The following PTPRD variants were observed in gnomAD, a reference collection of about 807,000 sequenced individuals.
The protein encoded by PTPRD is protein tyrosine phosphatase receptor type D.
In PTPRD, 34 loss-of-function variants were observed where a neutral mutation model predicts 214.5. The observed-to-expected ratio is 0.16, with a 90% CI of 0.12 to 0.21. The LOEUF (loss-of-function observed/expected upper bound fraction) is 0.21, where lower values mean the gene tolerates loss of function less well. PTPRD is among the 10% of genes least tolerant of loss of function. PTPRD has a pLI of 1.00. For missense variants in PTPRD, 2,545 were observed against 2,398.7 expected (o/e 1.06, Z -1.27); for synonymous variants, 1,128 against 845.7 (o/e 1.33, Z -5.79).
chr9:8,922,314 G>C (rs1483523294), intron 11 of PTPRD, among the ~76,000 whole-genome samples: 2 of 152,042 alleles, frequency 1.3e-5, no homozygotes, highest in Non-Finnish European at 2.9e-5. Context: ...GAGCTCACTA[G>C]GATATTACTT....
chr9:8,338,826 T>G, intron 43 of PTPRD, 96 bp downstream of exon 43: 1 of 1,093,960 alleles, frequency 9.1e-7, no homozygotes, highest in Non-Finnish European at 1.3e-6. Flanking sequence ...GGGACAACAG[T>G]CAAGTGGCAA....
chr9:8,668,691 T>C (rs571396815), intron 12 of PTPRD, among the ~76,000 whole-genome samples: 24 of 152,260 alleles, frequency 1.6e-4, no homozygotes, highest in African/African-American at 3.1e-4. Flanking sequence ...ATTTGGAAAA[T>C]TGCAATGTAT....
At chr9:10,163,245 T>C (rs1452659479) in intron 3 of PTPRD, among the ~76,000 whole-genome samples, 1 of 150,012 alleles carries the variant, frequency 6.7e-6, no homozygotes, top group Non-Finnish European at 1.5e-5. Context: ...CAGTTTTTAC[T>C]TTTTGCTATC....
intron 3 of PTPRD, among the ~76,000 whole-genome samples, chr9:10,119,414 A>C (rs2154246446): frequency 6.6e-6 from 1 of 152,190 alleles, no homozygotes; most frequent in African/African-American, 2.4e-5. Context: ...GATATCATGC[A>C]TTCTAGAGTG....
chr9:9,905,232 A>G (rs1181844436), intron 5 of PTPRD, among the ~76,000 whole-genome samples: 1 of 151,888 alleles, frequency 6.6e-6, no homozygotes, highest in Non-Finnish European at 1.5e-5. Context: ...GTAGCTCCTC[A>G]TTTACTTTGC....
chr9:8,915,981 G>T (rs1037075810), intron 11 of PTPRD, among the ~76,000 whole-genome samples: 1 of 152,164 alleles, frequency 6.6e-6, no homozygotes, highest in Non-Finnish European at 1.5e-5. Context: ...TGTTTAGAAA[G>T]ATCCCTGTCT....
intron 5 of PTPRD, among the ~76,000 whole-genome samples, chr9:9,787,113 G>T (rs555293951): frequency 1.3e-5 from 2 of 151,276 alleles, no homozygotes; most frequent in Admixed American, 1.3e-4. Context: ...CTCCAGCCTG[G>T]GCGACAGAGT....
chr9:9,182,727 A>G (rs545716935), intron 10 of PTPRD, among the ~76,000 whole-genome samples: 54 of 152,176 alleles, frequency 3.5e-4, no homozygotes, highest in Admixed American at 3.5e-3. Flanking sequence ...CTGTGTTAAT[A>G]GCAAAAATTT....
rs34128512 is a variant in PTPRD at position 9,578,045 on chromosome 9, CAAAAAAAAAAAA to C, written c.-286-3276_-286-3265del. 1.4e-3 allele frequency among the ~76,000 whole-genome samples: 141 copies of C among 102,392 alleles called. 1 individual carries two copies. Among genetic ancestry groups the C allele is most frequent in the African/African-American group, 4.3e-3 (112 of 26,122 alleles). The allele number at this position is 102,392 out of a possible 152,430, so 67.2% of individuals were successfully genotyped here. On this transcript the variant is annotated intron_variant, in intron 7 of 45. Coordinates refer to ENST00000381196, the MANE Select transcript of PTPRD (RefSeq NM_002839.4). ...TTGGTGACAGAGTAAGACTCTGTCT[CAAAAAAAAAAAA>C]AAAAAAAAAAAAAAGAGGATCAGAT...
At chr9:10,509,854 G>A (rs2047412269) in intron 2 of PTPRD, among the ~76,000 whole-genome samples, 1 of 151,596 alleles carries the variant, frequency 6.6e-6, no homozygotes, top group Admixed American at 6.6e-5. Flanking sequence ...ATATATACAG[G>A]TATATATTTA....
At chr9:10,093,290 G>A (rs1017686119) in intron 3 of PTPRD, among the ~76,000 whole-genome samples, 6 of 151,308 alleles carry the variant, frequency 4.0e-5, no homozygotes, top group Non-Finnish European at 7.4e-5. Context: ...TAAAAGACAG[G>A]AACAGACACA....
chr9:10,211,812 G>T (rs2099518486), intron 3 of PTPRD, among the ~76,000 whole-genome samples: 1 of 152,102 alleles, frequency 6.6e-6, no homozygotes, highest in Non-Finnish European at 1.5e-5. Context: ...AAGAAGAAGA[G>T]AGGGGGGTGA....
intron 7 of PTPRD, among the ~76,000 whole-genome samples, chr9:9,698,545 T>C (rs187711790): frequency 1.3e-5 from 2 of 152,264 alleles, no homozygotes; most frequent in East Asian, 1.9e-4. Flanking sequence ...GCTACTCTAA[T>C]TTGGCATCTC....
intron 30 of PTPRD, among the ~76,000 whole-genome samples, chr9:8,474,499 G>C (rs1274693717): frequency 6.6e-6 from 1 of 152,160 alleles, no homozygotes; most frequent in African/African-American, 2.4e-5. Flanking sequence ...AATCCAGGGA[G>C]CTGAACACAG....
chr9:10,354,734 T>A (rs1240147550), intron 2 of PTPRD, among the ~76,000 whole-genome samples: 1 of 152,208 alleles, frequency 6.6e-6, no homozygotes, highest in African/African-American at 2.4e-5. Context: ...TGACGTTATA[T>A]CTTCATTTCT....
intron 11 of PTPRD, among the ~76,000 whole-genome samples, chr9:8,828,086 C>A (rs1031790723): frequency 1.3e-5 from 2 of 152,112 alleles, no homozygotes; most frequent in African/African-American, 4.8e-5. Flanking sequence ...GTTATACAAT[C>A]CACAGATGAA....
chr9:9,035,290 C>T (rs550028115), intron 10 of PTPRD, among the ~76,000 whole-genome samples: 3 of 152,126 alleles, frequency 2.0e-5, no homozygotes, highest in South Asian at 4.2e-4. Context: ...TTTGTCAGAA[C>T]GTGTACTGTA....
chr9:9,925,374 C>T (rs1021514705), intron 5 of PTPRD, among the ~76,000 whole-genome samples: 2 of 152,002 alleles, frequency 1.3e-5, no homozygotes, highest in South Asian at 2.1e-4. Context: ...GGTAATATGT[C>T]ATCTCTAACA....
intron 11 of PTPRD, among the ~76,000 whole-genome samples, chr9:8,974,023 C>T (rs1017578478): frequency 2.0e-5 from 3 of 151,950 alleles, no homozygotes; most frequent in African/African-American, 7.3e-5. Flanking sequence ...TTACTCTGTC[C>T]ATAGTTTCTT....
Sources: allele counts gnomAD v4.1 joint callset (sites outside exome capture counted in the v4.1 genomes callset), GRCh38; gene constraint gnomAD v4.1.1; transcripts MANE v1.5; gene names NCBI Gene and HGNC (gene_info 2026-07-23, HGNC 2026-07-21).